The following CTIF variants were observed in gnomAD, a reference collection of about 807,000 sequenced individuals.
The protein encoded by CTIF is cap binding complex dependent translation initiation factor, also known as CBP80/20-dependent translation initiation factor.
Under a neutral mutation model 66.0 loss-of-function variants are expected in CTIF, and 21 were observed. That is an observed-to-expected ratio of 0.32 (90% CI 0.23 to 0.46). The LOEUF (loss-of-function observed/expected upper bound fraction) is 0.46. Ranked by LOEUF, CTIF falls within the 20% of genes least tolerant of loss-of-function variation. CTIF has a pLI of 1.00. For missense variants in CTIF, 739 were observed against 812.7 expected (o/e 0.91, Z 1.10); for synonymous variants, 345 against 326.4 (o/e 1.06, Z -0.62).
chr18:48,767,865 G>T (rs1909724460), intron 9 of CTIF, among the ~76,000 whole-genome samples: 1 of 152,214 alleles, frequency 6.6e-6, no homozygotes, highest in Admixed American at 6.5e-5. Context: ...CAGTTGAGTG[G>T]TGACTCTGTG....
intron 6 of CTIF, among the ~76,000 whole-genome samples, chr18:48,682,008 A>C (rs1027406041): frequency 1.3e-5 from 2 of 151,126 alleles, no homozygotes; most frequent in Admixed American, 6.6e-5. Flanking sequence ...CTGGTCTTGA[A>C]CTCCTGAGCT....
intron 7 of CTIF, among the ~76,000 whole-genome samples, chr18:48,734,712 C>T (rs879783932): frequency 2.0e-5 from 3 of 152,230 alleles, no homozygotes; most frequent in Non-Finnish European, 4.4e-5. Context: ...TCACCCACCT[C>T]ATGACCCCAG....
chr18:48,591,853 T>A (rs1019742574), intron 1 of CTIF, among the ~76,000 whole-genome samples: 15 of 152,170 alleles, frequency 9.9e-5, no homozygotes, highest in African/African-American at 3.4e-4. Flanking sequence ...GCTCAAGCAA[T>A]CCTCCCACCT....
Position 48,859,774 on chromosome 18 carries a change from T to C in CTIF, c.*215T>C, listed in dbSNP as rs1280912607. On this transcript the variant is annotated 3_prime_UTR_variant, in exon 12 of 12. Coordinates refer to ENST00000256413, the MANE Select transcript of CTIF (RefSeq NM_014772.3). ...AGCCCCCCAGCCCGAGCATGCAAGC[T>C]CACACCAATAAGGGAAGCATGTTTC... 1.4e-6 allele frequency: 1 copy of C among 696,104 alleles called. No individual in the cohort carries two copies. Among genetic ancestry groups the C allele is most frequent in the Non-Finnish European group, 2.6e-6 (1 of 381,240 alleles). The allele number at this position is 696,104 out of a possible 1,614,324, so 43.1% of individuals were successfully genotyped here. A position where few individuals can be genotyped will look rare whatever the true frequency, so the allele number is the denominator to read the frequency against.
Position 48,675,029 on chromosome 18 carries a change from C to T in CTIF, c.507+4285C>T, listed in dbSNP as rs553390416. On this transcript the variant is annotated intron_variant, in intron 6 of 11. Transcript: ENST00000256413. ...AGACTGACATTGCTCTCTAAGAACACTGATGGGGTGGTGGGGGGTCGGCGG... is the reference window on the plus strand; with the variant it reads ...AGACTGACATTGCTCTCTAAGAACATTGATGGGGTGGTGGGGGGTCGGCGG... Among the ~76,000 whole-genome samples, 19 of 89,202 alleles carry T rather than the reference C, an allele frequency of 2.1e-4. No individual in the cohort carries two copies. The East Asian group carries it at 6.5e-3, about 30-fold the overall frequency. The allele number at this position is 89,202 out of a possible 152,430, so 58.5% of individuals were successfully genotyped here. A position where few individuals can be genotyped will look rare whatever the true frequency, so the allele number is the denominator to read the frequency against.
chr18:48,720,236 T>A (rs2092320640), intron 7 of CTIF, among the ~76,000 whole-genome samples: 1 of 152,180 alleles, frequency 6.6e-6, no homozygotes. Context: ...TTTATCTTGT[T>A]CGTGTGTGGT....
intron 10 of CTIF, among the ~76,000 whole-genome samples, chr18:48,853,843 A>C (rs2069264050): frequency 6.6e-6 from 1 of 152,236 alleles, no homozygotes; most frequent in Admixed American, 6.5e-5. Flanking sequence ...AAGGATGTGC[A>C]GAATGCAGAT....
intron 9 of CTIF, among the ~76,000 whole-genome samples, chr18:48,774,269 G>A (rs1035087507): frequency 1.3e-5 from 2 of 152,092 alleles, no homozygotes; most frequent in African/African-American, 2.4e-5. Flanking sequence ...GGATACACTC[G>A]ACCAGAAGCA....
intron 7 of CTIF, among the ~76,000 whole-genome samples, chr18:48,753,472 C>T (rs567233828): frequency 6.6e-6 from 1 of 152,182 alleles, no homozygotes; most frequent in East Asian, 1.9e-4. Context: ...GTTCCGAGAA[C>T]ATTTTTGTCT....
chr18:48,826,865 A>C (rs2068592363), intron 10 of CTIF: 1 of 152,284 alleles, frequency 6.6e-6, no homozygotes, highest in Admixed American at 6.5e-5. Flanking sequence ...TTAAGCAGCC[A>C]TGAACACTTA....
intron 1 of CTIF, among the ~76,000 whole-genome samples, chr18:48,607,655 G>A (rs1046163039): frequency 2.6e-5 from 4 of 152,214 alleles, no homozygotes; most frequent in African/African-American, 9.6e-5. Flanking sequence ...TGGGGAAGGA[G>A]GCAGCCACTC....
chr18:48,595,009 T>G (rs1171098228), intron 1 of CTIF, among the ~76,000 whole-genome samples: 1 of 152,174 alleles, frequency 6.6e-6, no homozygotes, highest in Non-Finnish European at 1.5e-5. Flanking sequence ...TGGTGCCAAG[T>G]CTCCGGTGCC....
chr18:48,782,200 G>A (rs958844681), intron 9 of CTIF, among the ~76,000 whole-genome samples: 2 of 151,934 alleles, frequency 1.3e-5, no homozygotes, highest in African/African-American at 4.8e-5. Context: ...CTCTGGGTGG[G>A]GGTGTTTGGT....
intron 2 of CTIF, 48 bp downstream of exon 2, chr18:48,619,793 T>C (rs1390784469): frequency 5.5e-6 from 8 of 1,448,642 alleles, no homozygotes; most frequent in Non-Finnish European, 7.3e-6. Context: ...TCAGAGGGGG[T>C]GATGCAGGAG....
At chr18:48,558,529 CT>C (rs2089075237) in intron 1 of CTIF, among the ~76,000 whole-genome samples, 1 of 152,156 alleles carries the variant, frequency 6.6e-6, no homozygotes, top group South Asian at 2.1e-4. Context: ...ATATGGGTTC[CT>C]AAATGTTTAT....
chr18:48,685,239 T>G (rs1598867221), intron 6 of CTIF, among the ~76,000 whole-genome samples: 1 of 152,154 alleles, frequency 6.6e-6, no homozygotes, highest in Non-Finnish European at 1.5e-5. Flanking sequence ...TTTTTTTTCT[T>G]GAGATGGAGT....
At chr18:48,797,497 T>TGGG (rs1362766693) in intron 9 of CTIF, among the ~76,000 whole-genome samples, 3 of 138,432 alleles carry the variant, frequency 2.2e-5, no homozygotes, top group Non-Finnish European at 3.1e-5. Flanking sequence ...AGAAAAGGGG[T>TGGG]GGGGGGGCAA....
chr18:48,619,052 G>C (rs902280108), intron 1 of CTIF, among the ~76,000 whole-genome samples: 1 of 152,154 alleles, frequency 6.6e-6, no homozygotes, highest in African/African-American at 2.4e-5. Flanking sequence ...AAAAGAAAAA[G>C]TCTCCTCTTA....
At chr18:48,765,841 T>C (rs1432337710) in intron 9 of CTIF, among the ~76,000 whole-genome samples, 1 of 152,178 alleles carries the variant, frequency 6.6e-6, no homozygotes, top group Non-Finnish European at 1.5e-5. Context: ...CAATTCCTTT[T>C]TACCTGAAAT....
Sources: gnomAD v4.1 joint callset for allele counts (sites outside exome capture counted in the v4.1 genomes callset) on GRCh38, gnomAD v4.1.1 for gene constraint, MANE v1.5 for transcripts, NCBI Gene and HGNC (gene_info 2026-07-23, HGNC 2026-07-21) for gene names.